The following MACROD2 variants were observed in gnomAD, a reference collection of about 807,000 sequenced individuals.
MACROD2 encodes mono-ADP ribosylhydrolase 2.
Under a neutral mutation model 70.4 loss-of-function variants are expected in MACROD2, and 36 were observed. The ratio of observed to expected loss-of-function variants is 0.51; its 90% CI spans 0.39 to 0.68. MACROD2 has a LOEUF of 0.68. Ranked by LOEUF, MACROD2 falls within the 30% of genes least tolerant of loss-of-function variation. The pLI, the probability that MACROD2 is intolerant of heterozygous loss-of-function variation, is 0.00. For missense variants in MACROD2, 496 were observed against 538.4 expected (o/e 0.92, Z 0.78); for synonymous variants, 172 against 178.8 (o/e 0.96, Z 0.30).
chr20:14,024,480 G>A (rs1311181675), intron 2 of MACROD2, among the ~76,000 whole-genome samples: 2 of 152,150 alleles, frequency 1.3e-5, no homozygotes, highest in Admixed American at 1.3e-4. Context: ...TTTTCAAAAT[G>A]CTTCCAGCTT....
rs1297585226 is a variant in MACROD2 at position 15,069,680 on chromosome 20, C to A, written c.419-160260C>A. 3.3e-5 allele frequency among the ~76,000 whole-genome samples: 5 copies of A among 152,204 alleles called. No individual in the cohort carries two copies. In the East Asian group the frequency reaches 9.6e-4, roughly 29 times the overall value. ...CACTGTGGAGAGCACAAGCCATAAG[C>A]CTTGGTGAGTTCCATGTGTTGCGAA... is the stretch of plus-strand genomic sequence containing the variant. On this transcript the variant is annotated intron_variant, in intron 5 of 17. Transcript: ENST00000684519.
chr20:14,481,392 T>C (rs2084661707), intron 3 of MACROD2, among the ~76,000 whole-genome samples: 1 of 152,172 alleles, frequency 6.6e-6, no homozygotes, highest in Non-Finnish European at 1.5e-5. Context: ...CAAAGGAGTA[T>C]GATCTCTTAT....
chr20:15,152,346 A>G (rs960805756), intron 5 of MACROD2, among the ~76,000 whole-genome samples: 1 of 151,586 alleles, frequency 6.6e-6, no homozygotes, highest in Non-Finnish European at 1.5e-5. Flanking sequence ...CCCAGAGAAA[A>G]GAGAGTAGAG....
Position 14,230,669 on chromosome 20 carries a change from C to CCATATATATATATATATATATATA in MACROD2, c.271+144941_271+144942insCATATATATATATATATATATATA, listed in dbSNP as rs1388842581. Among the ~76,000 whole-genome samples the CCATATATATATATATATATATATA allele has an allele frequency of 1.2e-3, 115 of 92,880 alleles. 6 individuals carry two copies. Among genetic ancestry groups the CCATATATATATATATATATATATA allele is most frequent in the South Asian group, 2.3e-3 (5 of 2,214 alleles). The allele number at this position is 92,880 out of a possible 152,430, so 60.9% of individuals were successfully genotyped here. ...TATATATATATAACACAGGCTGGGC[C>CCATATATATATATATATATATATA]TATATATATATATATATATATATAT... On this transcript the variant is annotated intron_variant, in intron 3 of 17. Transcript: ENST00000684519.
chr20:15,824,903 A>C (rs1355818063), intron 8 of MACROD2, among the ~76,000 whole-genome samples: 1 of 151,954 alleles, frequency 6.6e-6, no homozygotes, highest in Non-Finnish European at 1.5e-5. Flanking sequence ...TCTTAAGATA[A>C]ATTTCTTTCT....
chr20:15,600,589 T>C (rs1320577163), intron 8 of MACROD2, among the ~76,000 whole-genome samples: 1 of 152,154 alleles, frequency 6.6e-6, no homozygotes, highest in Non-Finnish European at 1.5e-5. Context: ...ACAAAATAGT[T>C]GTGTGATGTC....
intron 4 of MACROD2, among the ~76,000 whole-genome samples, chr20:14,508,656 C>T (rs1354399472): frequency 1.3e-5 from 2 of 152,040 alleles, no homozygotes; most frequent in Non-Finnish European, 1.5e-5. Flanking sequence ...CTATGAACAA[C>T]GTGGACAAAA....
In MACROD2 at chr20:14,540,229, A is replaced by G. The variant is rs367955648; in HGVS notation, c.301+46721A>G. On this transcript the variant is annotated intron_variant, in intron 4 of 17. Transcript: ENST00000684519. The stretch of plus-strand genomic sequence containing the variant: ...CTTGTTTGCATTCAGGATGTTTCCA[A>G]GTTTATCATGTCTGTGACCTCAGTT... Among the ~76,000 whole-genome samples, 17 of 152,284 alleles carry G rather than the reference A, an allele frequency of 1.1e-4. No individual in the cohort carries two copies. The East Asian group carries it at 2.7e-3, about 24-fold the overall frequency.
At chr20:14,736,504 T>G (rs953499847) in intron 5 of MACROD2, among the ~76,000 whole-genome samples, 10 of 152,234 alleles carry the variant, frequency 6.6e-5, no homozygotes, top group Middle Eastern at 3.4e-3. Context: ...AAACAAAGTG[T>G]TTTTCAAATA....
intron 5 of MACROD2, among the ~76,000 whole-genome samples, chr20:14,970,778 G>A (rs2074683664): frequency 6.6e-6 from 1 of 152,048 alleles, no homozygotes. Context: ...AGCCTCTTCA[G>A]TAGCTGGAAC....
At chr20:14,857,370 A>G (rs2073266357) in intron 5 of MACROD2, among the ~76,000 whole-genome samples, 1 of 152,088 alleles carries the variant, frequency 6.6e-6, no homozygotes, top group South Asian at 2.1e-4. Flanking sequence ...AGGTGAAGAC[A>G]CTCTAGAGCT....
chr20:14,703,848 T>A (rs1239940866), intron 5 of MACROD2, among the ~76,000 whole-genome samples: 1 of 152,132 alleles, frequency 6.6e-6, no homozygotes, highest in Non-Finnish European at 1.5e-5. Context: ...TGCCTCAGCC[T>A]CCCAAGTAGC....
At position 14,693,452 on chromosome 20, in the gene MACROD2, T is replaced by C. The variant is rs551644197; in HGVS notation, c.418+8493T>C. Among the ~76,000 whole-genome samples the C allele has an allele frequency of 3.9e-4, 60 of 152,250 alleles. No homozygotes were observed. In the Middle Eastern group the frequency reaches 0.01, roughly 26 times the overall value. On this transcript the variant is annotated intron_variant, in intron 5 of 17. Transcript: ENST00000684519. Reference sequence around the variant, plus strand: ...TACATTTATTGAAATAAGTAGCAAATGCTGAGTAAAAGTGTAGATTTTTTT... The same window carrying C: ...TACATTTATTGAAATAAGTAGCAAACGCTGAGTAAAAGTGTAGATTTTTTT...
At chr20:15,277,762 A>G (rs543174477) in intron 6 of MACROD2, among the ~76,000 whole-genome samples, 4 of 152,286 alleles carry the variant, frequency 2.6e-5, no homozygotes, top group Non-Finnish European at 4.4e-5. Context: ...TGTTACTTAA[A>G]TTATCTAAGC....
chr20:14,356,504 T>TC (rs2122708102), intron 3 of MACROD2, among the ~76,000 whole-genome samples: 1 of 133,852 alleles, frequency 7.5e-6, no homozygotes, highest in African/African-American at 3.2e-5. Context: ...CTTTCTTTTT[T>TC]TTTTTTTTTT....
chr20:15,732,731 G>A (rs1319387738), intron 8 of MACROD2, among the ~76,000 whole-genome samples: 1 of 147,314 alleles, frequency 6.8e-6, no homozygotes, highest in Admixed American at 6.8e-5. Flanking sequence ...TTACATCTAT[G>A]TTTATAAGAA....
chr20:15,668,559 C>G (rs2049933570), intron 8 of MACROD2, among the ~76,000 whole-genome samples: 2 of 150,204 alleles, frequency 1.3e-5, no homozygotes, highest in Admixed American at 1.3e-4. Context: ...CAGAGTGAGA[C>G]TCTGTCTGAA....
intron 3 of MACROD2, among the ~76,000 whole-genome samples, chr20:14,224,175 C>T (rs1436339762): frequency 2.6e-5 from 4 of 152,150 alleles, no homozygotes; most frequent in Non-Finnish European, 5.9e-5. Context: ...TATCTGAGTA[C>T]AGTGGTCTAG....
chr20:14,916,308 G>C (rs1419186558), intron 5 of MACROD2, among the ~76,000 whole-genome samples: 1 of 152,082 alleles, frequency 6.6e-6, no homozygotes, highest in Admixed American at 6.5e-5. Context: ...AAAATTAAAG[G>C]GCTTTATACC....
Sources: gnomAD v4.1 joint callset for allele counts (sites outside exome capture counted in the v4.1 genomes callset) on GRCh38, gnomAD v4.1.1 for gene constraint, MANE v1.5 for transcripts, NCBI Gene and HGNC (gene_info 2026-07-23, HGNC 2026-07-21) for gene names.